The following EPG5 variants were observed in gnomAD, a reference collection of about 807,000 sequenced individuals.
The protein encoded by EPG5 is ectopic P-granules 5 autophagy tethering factor, also known as ectopic P granules protein 5 homolog.
EPG5 carries 159 observed loss-of-function variants against 302.7 expected under a neutral mutation model. That is an observed-to-expected ratio of 0.53 (90% confidence interval 0.46 to 0.60). EPG5 has a LOEUF of 0.60. EPG5 is among the 20% of genes least tolerant of loss of function. The pLI, the probability that EPG5 is intolerant of heterozygous loss-of-function variation, is 0.00. For synonymous variants in EPG5, 1,158 were observed against 1,136.8 expected, an observed-to-expected ratio of 1.02 and a Z score of -0.37; for missense variants, 2,896 against 3,092.4, an observed-to-expected ratio of 0.94 and a Z score of 1.51.
At chr18:45,880,549 G>A (rs1258768815) in intron 31 of EPG5, among the ~76,000 whole-genome samples, 1 of 152,068 alleles carries the variant, frequency 6.6e-6, no homozygotes, top group Non-Finnish European at 1.5e-5. Flanking sequence ...CTGGCTGGGG[G>A]ACCACAGCTA....
At chr18:45,807,395 G>A in the EPG5 span, among the ~76,000 whole-genome samples, 1 of 152,294 alleles carries the variant, frequency 6.6e-6, no homozygotes, top group Admixed American at 6.5e-5. Context: ...TCTCTGGAAA[G>A]CGCCACCTCC....
chr18:45,903,714 A>G (rs1196868296), intron 25 of EPG5, among the ~76,000 whole-genome samples: 3 of 152,210 alleles, frequency 2.0e-5, no homozygotes, highest in Non-Finnish European at 4.4e-5. Flanking sequence ...AATCTGATTC[A>G]TTTGTATGGT....
At chr18:45,835,617 T>C in the EPG5 span, among the ~76,000 whole-genome samples, 1 of 152,232 alleles carries the variant, frequency 6.6e-6, no homozygotes, top group South Asian at 2.1e-4. Flanking sequence ...TCATACACTC[T>C]TGATGCTTTG....
At position 45,958,369 on chromosome 18, in the gene EPG5, C is replaced by A. The variant is rs142864133; in HGVS notation, c.64-3031G>T. 4.4e-4 allele frequency among the ~76,000 whole-genome samples: 67 copies of A among 152,246 alleles called. No individual in the cohort carries two copies. In the East Asian group the frequency reaches 0.011, roughly 26 times the overall value. On this transcript the variant is annotated intron_variant, in intron 1 of 43. Coordinates refer to ENST00000282041, the MANE Select transcript of EPG5 (RefSeq NM_020964.3). ...AGAAATGCAAGTGACCCACAACAGA[C>A]AGAAAATCTTGAAAAAGAACAAAGT...
chr18:45,928,641 A>G lies in EPG5; in HGVS notation c.2553+228T>C, dbSNP rs73953913. Among the ~76,000 whole-genome samples, 23,336 of 152,218 alleles carry G rather than the reference A, an allele frequency of 0.15. 2,568 individuals are homozygous for G. Among genetic ancestry groups the G allele is most frequent in the East Asian group, 0.29 (1,522 of 5,188 alleles). ...AAATATGTTATTGAACGAGGTGGAC[A>G]AGTCAACCTTGAGATTTGAGAGAAA... On this transcript the variant is annotated intron_variant, in intron 13 of 43. Coordinates refer to ENST00000282041, the MANE Select transcript of EPG5 (RefSeq NM_020964.3).
At chr18:45,853,120 C>T (rs1017599109) in intron 43 of EPG5, among the ~76,000 whole-genome samples, 1 of 152,218 alleles carries the variant, frequency 6.6e-6, no homozygotes, top group African/African-American at 2.4e-5. Flanking sequence ...GAAATCTGTT[C>T]AATCTGCTGT....
chr18:45,878,515 T>G, intron 33 of EPG5, 67 bp from the exon 34 acceptor site: 1 of 1,001,924 alleles, frequency 1.0e-6, no homozygotes. Context: ...GCTCACATTA[T>G]ATAGAAAAAT....
chr18:45,928,213 C>CA (rs35390875), intron 13 of EPG5, among the ~76,000 whole-genome samples: 27,372 of 130,470 alleles, frequency 0.21, 3,898 homozygotes, highest in African/African-American at 0.4. Flanking sequence ...AACTCCATCT[C>CA]AAAAAAAAAA....
intron 9 of EPG5, 47 bp from the exon 10 acceptor site, chr18:45,939,802 C>A: frequency 2.0e-6 from 3 of 1,537,380 alleles, no homozygotes; most frequent in Non-Finnish European, 1.8e-6. Flanking sequence ...AGCTCAATAT[C>A]TGCACCTTTA....
At chr18:45,880,701 G>A (rs768202414) in intron 31 of EPG5, among the ~76,000 whole-genome samples, 16 of 152,116 alleles carry the variant, frequency 1.1e-4, no homozygotes, top group Non-Finnish European at 2.4e-4. Flanking sequence ...GCATGGAAAC[G>A]CTGGACAAGT....
the EPG5 span, among the ~76,000 whole-genome samples, chr18:45,819,400 C>A: frequency 1.3e-5 from 2 of 152,054 alleles, no homozygotes; most frequent in African/African-American, 4.8e-5. Flanking sequence ...TCTGAAGCGT[C>A]CCTTTAAGGG....
rs1479239564 is a variant in EPG5, at chr18:45,925,847, G to C, written c.2609C>G (p.Ser870Cys). The C allele has an allele frequency of 1.3e-6, 2 of 1,569,924 alleles. No individual in the cohort carries two copies. The change falls in exon 14 of 44, where the codon TCT becomes TGT. Residue 870 changes from serine to cysteine, a missense_variant. Physicochemically the swap from Ser to Cys is moderately radical, Grantham distance 112. This residue lies in a region of EPG5 where 1,390 missense variants were observed against 1,430.0 expected (regional missense o/e 0.97). Coordinates refer to ENST00000282041, the MANE Select transcript of EPG5 (RefSeq NM_020964.3). Reference protein sequence around the residue: ...LPLYLWQPSASEIAVIRDWLL... With the variant: ...LPLYLWQPSACEIAVIRDWLL... The stretch of plus-strand genomic sequence containing the variant: ...CCAATCCCGAATCACCGCTATCTCA[G>C]ATGCAGAAGGTTGCCAAAGATACAA...
At chr18:45,807,618 T>C in the EPG5 span, among the ~76,000 whole-genome samples, 1 of 152,044 alleles carries the variant, frequency 6.6e-6, no homozygotes. Flanking sequence ...GGCAAGGTCC[T>C]AAAGAGAGAA....
chr18:45,948,000 C>T (rs2050823807), intron 6 of EPG5, among the ~76,000 whole-genome samples: 1 of 152,144 alleles, frequency 6.6e-6, no homozygotes, highest in Non-Finnish European at 1.5e-5. Context: ...GTCTCAAACT[C>T]CTGCCCTCAG....
chr18:45,850,979 G>T lies in EPG5; in HGVS notation c.*1488C>A, dbSNP rs868745582. The T allele has an allele frequency of 6.6e-6, 1 of 152,258 alleles. No homozygotes were observed. Among genetic ancestry groups the T allele is most frequent in the African/African-American group, 2.4e-5 (1 of 41,470 alleles). The allele number at this position is 152,258 out of a possible 1,614,324, so 9.4% of individuals were successfully genotyped here. On this transcript the variant is annotated 3_prime_UTR_variant, in exon 44 of 44. Transcript: ENST00000282041. ...ACATTTTGTGGCCTGTAAAACTCAA[G>T]AGACTAAACAGGGATGTTCTTTATC...
At chr18:45,809,840 A>C in the EPG5 span, among the ~76,000 whole-genome samples, 1 of 152,190 alleles carries the variant, frequency 6.6e-6, no homozygotes, top group East Asian at 1.9e-4. Context: ...AACCAAACCC[A>C]AACCCAACAG....
intron 10 of EPG5, among the ~76,000 whole-genome samples, chr18:45,936,223 A>C (rs988951043): frequency 6.6e-6 from 1 of 152,202 alleles, no homozygotes; most frequent in Non-Finnish European, 1.5e-5. Flanking sequence ...ATACTAACCT[A>C]ACAGCAATTT....
At chr18:45,936,025 A>G (rs2050515392) in intron 10 of EPG5, among the ~76,000 whole-genome samples, 1 of 152,188 alleles carries the variant, frequency 6.6e-6, no homozygotes, top group Non-Finnish European at 1.5e-5. Context: ...GTAGTGGCAG[A>G]AAAACCACCT....
At chr18:45,921,584 G>A (rs1415797934) in intron 16 of EPG5, among the ~76,000 whole-genome samples, 1 of 152,186 alleles carries the variant, frequency 6.6e-6, no homozygotes, top group African/African-American at 2.4e-5. Flanking sequence ...AAATTGAACA[G>A]ATTAACTATG....
Sources: allele counts gnomAD v4.1 joint callset (sites outside exome capture counted in the v4.1 genomes callset), GRCh38; gene constraint gnomAD v4.1.1; regional missense constraint gnomAD v4.1.1; transcripts MANE v1.5; gene names NCBI Gene and HGNC (gene_info 2026-07-23, HGNC 2026-07-21).